Variants in MICU1 observed in about 807,000 individuals in gnomAD.
MICU1 encodes calcium uptake protein 1, mitochondrial.
Under a neutral mutation model 56.8 loss-of-function variants are expected in MICU1, and 45 were observed. The ratio of observed to expected loss-of-function variants is 0.79; its 90% CI spans 0.62 to 1.02. The LOEUF (loss-of-function observed/expected upper bound fraction) is 1.02, where lower values mean the gene tolerates loss of function less well. Among genes scored for constraint, MICU1 ranks in the 50% least tolerant of loss-of-function variants. The probability of loss-of-function intolerance (pLI) is 0.00; values close to 1 mark genes in which losing one functional copy is unlikely to be tolerated. For missense variants in MICU1, 504 were observed against 587.1 expected, an observed-to-expected ratio of 0.86 and a Z score of 1.46; for synonymous variants, 186 against 195.1, an observed-to-expected ratio of 0.95 and a Z score of 0.39.
chr10:72,424,215 C>T (rs772148563), intron 8 of MICU1, among the ~76,000 whole-genome samples: 2 of 151,706 alleles, frequency 1.3e-5, no homozygotes, highest in African/African-American at 2.4e-5. Context: ...CAGGTTCAAG[C>T]GATTCTCCTG....
At chr10:72,431,804 T>C (rs576197339) in intron 8 of MICU1, among the ~76,000 whole-genome samples, 3 of 152,138 alleles carry the variant, frequency 2.0e-5, no homozygotes, top group African/African-American at 2.4e-5. Flanking sequence ...TCCAGAAAAA[T>C]GTATCAATTT....
intron 8 of MICU1, among the ~76,000 whole-genome samples, chr10:72,423,722 C>G (rs1864254073): frequency 6.6e-6 from 1 of 152,180 alleles, no homozygotes; most frequent in South Asian, 2.1e-4. Flanking sequence ...ATTTACTGAT[C>G]AGACCCAGAC....
In MICU1 at chr10:72,533,387, A is replaced by G. The variant is rs368500603; in HGVS notation, c.537+359T>C. Among the ~76,000 whole-genome samples the G allele has an allele frequency of 3.3e-5, 5 of 152,360 alleles. 1 individual carries two copies. The highest frequency in any genetic ancestry group is 1.2e-4 in the African/African-American group (5 of 41,590). Reference sequence around the variant, plus strand: ...GTTAAGATTATTGCTAGACACTATCATAAAGTCTGAGAAAGGTCAAATCAG... The same window carrying G: ...GTTAAGATTATTGCTAGACACTATCGTAAAGTCTGAGAAAGGTCAAATCAG... On this transcript the variant is annotated intron_variant, in intron 5 of 11. Coordinates refer to ENST00000361114, the MANE Select transcript of MICU1 (RefSeq NM_001195518.2).
At chr10:72,388,844 G>A (rs1041953730) in intron 10 of MICU1, among the ~76,000 whole-genome samples, 2 of 152,276 alleles carry the variant, frequency 1.3e-5, no homozygotes, top group Admixed American at 6.5e-5. Flanking sequence ...GCAACACGAC[G>A]ATGTGGAAAG....
chr10:72,602,316 T>G (rs1281574121), intron 1 of MICU1, among the ~76,000 whole-genome samples: 1 of 151,626 alleles, frequency 6.6e-6, no homozygotes, highest in Non-Finnish European at 1.5e-5. Flanking sequence ...CCGAGTGTGG[T>G]GGCACACGCC....
chr10:72,579,013 C>A (rs1017259100), intron 1 of MICU1, among the ~76,000 whole-genome samples: 1 of 152,094 alleles, frequency 6.6e-6, no homozygotes, highest in African/African-American at 2.4e-5. Flanking sequence ...TGCTATTTTG[C>A]GACATTAGCT....
intron 1 of MICU1, among the ~76,000 whole-genome samples, chr10:72,603,068 T>C (rs1478191377): frequency 6.6e-6 from 1 of 151,966 alleles, no homozygotes; most frequent in East Asian, 1.9e-4. Flanking sequence ...GATCCTGTCT[T>C]GCAGTGAGCC....
intron 5 of MICU1, chr10:72,508,730 A>C (rs1219539138): frequency 6.5e-6 from 1 of 152,822 alleles, no homozygotes; most frequent in African/African-American, 2.4e-5. Context: ...AGGCCTATAC[A>C]AATGCTCAGA....
At chr10:72,554,833 G>C (rs1840119270) in intron 3 of MICU1, among the ~76,000 whole-genome samples, 1 of 152,080 alleles carries the variant, frequency 6.6e-6, no homozygotes, top group Non-Finnish European at 1.5e-5. Flanking sequence ...TGGCCAACAT[G>C]GTGAAACCCC....
intron 9 of MICU1, among the ~76,000 whole-genome samples, chr10:72,421,986 GTTC>G (rs1864189805): frequency 6.6e-6 from 1 of 152,108 alleles, no homozygotes; most frequent in African/African-American, 2.4e-5. Context: ...TCCCTTTTCA[GTTC>G]TTCACACATA....
At chr10:72,557,672 C>T (rs1840191107) in intron 3 of MICU1, among the ~76,000 whole-genome samples, 1 of 152,158 alleles carries the variant, frequency 6.6e-6, no homozygotes, top group Non-Finnish European at 1.5e-5. Flanking sequence ...AGGCAAGCTA[C>T]TAAACTCCTT....
At chr10:72,379,901 T>G (rs957754153) in intron 10 of MICU1, among the ~76,000 whole-genome samples, 1 of 152,086 alleles carries the variant, frequency 6.6e-6, no homozygotes, top group Non-Finnish European at 1.5e-5. Flanking sequence ...TGGTACAAGA[T>G]CCTCATTATA....
chr10:72,456,790 G>A (rs1177247250), intron 8 of MICU1, among the ~76,000 whole-genome samples: 1 of 151,330 alleles, frequency 6.6e-6, no homozygotes, highest in Non-Finnish European at 1.5e-5. Context: ...CCAGGTTCAA[G>A]CAATCCTTCC....
intron 4 of MICU1, among the ~76,000 whole-genome samples, chr10:72,543,892 TTCATATTGTCTTATGCTGACCACCCC>T (rs1839835108): frequency 6.6e-6 from 1 of 151,054 alleles, no homozygotes; most frequent in South Asian, 2.1e-4. Context: ...GAGACCACTC[TTCATATTGTCTTATGCTGACCACCCC>T]TCATATTGTC....
At chr10:72,381,482 G>A (rs1862701979) in intron 10 of MICU1, among the ~76,000 whole-genome samples, 1 of 152,140 alleles carries the variant, frequency 6.6e-6, no homozygotes, top group African/African-American at 2.4e-5. Context: ...ACCTAGTTCT[G>A]GGGTGAGGGG....
chr10:72,536,190 AGAAG>A (rs1839628777), intron 4 of MICU1, among the ~76,000 whole-genome samples: 1 of 152,140 alleles, frequency 6.6e-6, no homozygotes, highest in African/African-American at 2.4e-5. Flanking sequence ...TCAAATATCT[AGAAG>A]GAAGGCACTG....
chr10:72,600,801 T>G (rs1841510788), intron 1 of MICU1, among the ~76,000 whole-genome samples: 1 of 152,144 alleles, frequency 6.6e-6, no homozygotes, highest in South Asian at 2.1e-4. Context: ...GAAACATGTT[T>G]CCATTGACAG....
intron 5 of MICU1, among the ~76,000 whole-genome samples, chr10:72,518,464 TAAGA>T (rs1030180194): frequency 2.6e-5 from 4 of 152,110 alleles, no homozygotes; most frequent in African/African-American, 9.7e-5. Flanking sequence ...TAGTAAACTA[TAAGA>T]AAGAAATTTT....
intron 8 of MICU1, among the ~76,000 whole-genome samples, chr10:72,429,361 A>C (rs1452088121): frequency 6.7e-6 from 1 of 148,860 alleles, no homozygotes; most frequent in Non-Finnish European, 1.5e-5. Flanking sequence ...TGGAGGTTGC[A>C]GTGAGCCAAG....
Sources: gnomAD v4.1 joint callset for allele counts (sites outside exome capture counted in the v4.1 genomes callset) on GRCh38, gnomAD v4.1.1 for gene constraint, MANE v1.5 for transcripts, NCBI Gene and HGNC (gene_info 2026-07-23, HGNC 2026-07-21) for gene names.